NUDCD3: variants seen among roughly 807,000 people sequenced by gnomAD.
The protein encoded by NUDCD3 is nudC domain-containing protein 3.
In NUDCD3, 13 loss-of-function variants were observed where a neutral mutation model predicts 39.7. That is an observed-to-expected ratio of 0.33 (90% CI 0.21 to 0.52). The LOEUF is 0.52. Ranked by LOEUF, NUDCD3 falls within the 20% of genes least tolerant of loss-of-function variation. NUDCD3 has a pLI of 0.96. For missense variants in NUDCD3, 453 were observed against 458.1 expected (o/e 0.99, Z 0.10); for synonymous variants, 175 against 172.4 (o/e 1.02, Z -0.12).
At chr7:44,489,507 T>C (rs1800686619) in intron 1 of NUDCD3, among the ~76,000 whole-genome samples, 1 of 152,230 alleles carries the variant, frequency 6.6e-6, no homozygotes, top group Non-Finnish European at 1.5e-5. Context: ...TCTAGAGAAC[T>C]GAGGGAGGTA....
At chr7:44,462,945 CTGTGTGTGTG>C (rs3138779) in intron 2 of NUDCD3, among the ~76,000 whole-genome samples, 2,819 of 146,720 alleles carry the variant, frequency 0.019, 35 homozygotes, top group South Asian at 0.05. Flanking sequence ...CACAACCAGG[CTGTGTGTGTG>C]TGTGTGTGTG....
chr7:44,399,888 G>A (rs1412826820), intron 4 of NUDCD3, among the ~76,000 whole-genome samples: 1 of 152,142 alleles, frequency 6.6e-6, no homozygotes, highest in Non-Finnish European at 1.5e-5. Context: ...GAGCTTCAAG[G>A]TCTAACTCCT....
At chr7:44,421,630 T>C (rs1017758083) in intron 3 of NUDCD3, among the ~76,000 whole-genome samples, 2 of 151,920 alleles carry the variant, frequency 1.3e-5, no homozygotes, top group African/African-American at 4.8e-5. Context: ...CTATCCTAAA[T>C]ATATATGCAC....
chr7:44,392,607 G>C, intron 4 of NUDCD3, 122 bp from the exon 5 acceptor site: 2 of 805,438 alleles, frequency 2.5e-6, no homozygotes, highest in Non-Finnish European at 3.9e-6. Flanking sequence ...ACTACACAAA[G>C]GGAGGTGACA....
At chr7:44,391,916 C>G (rs1306385239) in intron 5 of NUDCD3, among the ~76,000 whole-genome samples, 1 of 152,182 alleles carries the variant, frequency 6.6e-6, no homozygotes, top group Non-Finnish European at 1.5e-5. Context: ...GGCTCCCTCC[C>G]CTCCTCTACC....
intron 3 of NUDCD3, among the ~76,000 whole-genome samples, chr7:44,411,058 C>T (rs190286984): frequency 1.1e-4 from 17 of 152,270 alleles, no homozygotes; most frequent in African/African-American, 3.6e-4. Context: ...ATAGTATTTT[C>T]AAGTAATTGT....
intron 2 of NUDCD3, among the ~76,000 whole-genome samples, chr7:44,430,718 G>A (rs959717888): frequency 1.4e-4 from 21 of 152,076 alleles, no homozygotes; most frequent in African/African-American, 3.9e-4. Flanking sequence ...GTATAATGCC[G>A]GGGGATATCC....
At chr7:44,478,215 T>C (rs1800417874) in intron 2 of NUDCD3, among the ~76,000 whole-genome samples, 1 of 152,174 alleles carries the variant, frequency 6.6e-6, no homozygotes, top group Non-Finnish European at 1.5e-5. Flanking sequence ...TAGGGAAATA[T>C]CTGTGTGCAA....
chr7:44,456,387 G>GC (rs1799902128), intron 2 of NUDCD3, among the ~76,000 whole-genome samples: 1 of 152,156 alleles, frequency 6.6e-6, no homozygotes, highest in African/African-American at 2.4e-5. Context: ...TAAAGGCCGA[G>GC]CAAGTACCAG....
At chr7:44,402,635 T>G (rs1272407386) in intron 4 of NUDCD3, 1 of 456,556 alleles carries the variant, frequency 2.2e-6, no homozygotes, top group South Asian at 1.5e-5. Flanking sequence ...CACACGGGGT[T>G]GCTCACCAAG....
rs560330914 is a variant in NUDCD3 at position 44,392,550 on chromosome 7, G to A, written c.787-65C>T. 3 of 1,443,802 alleles carry A rather than the reference G, an allele frequency of 2.1e-6. No individual in the cohort carries two copies. The African/African-American group carries it at 4.2e-5, about 20-fold the overall frequency. 89.4% of individuals were successfully genotyped at this position (1,443,802 alleles called of 1,614,324 possible). Reference sequence around the variant, plus strand: ...AGACAGGTGTCCAGGGCTGGGGACAGAGCAGAGCCCACTGAGGGATGGGTG... The same window carrying A: ...AGACAGGTGTCCAGGGCTGGGGACAAAGCAGAGCCCACTGAGGGATGGGTG... On this transcript the variant is annotated intron_variant, in intron 4 of 5. Coordinates refer to ENST00000355451, the MANE Select transcript of NUDCD3 (RefSeq NM_015332.4).
chr7:44,432,345 A>G (rs911452915), intron 2 of NUDCD3, among the ~76,000 whole-genome samples: 3 of 152,234 alleles, frequency 2.0e-5, no homozygotes, highest in African/African-American at 7.2e-5. Flanking sequence ...TGTAAAATGA[A>G]GAGTAAAAGG....
chr7:44,462,246 G>A (rs1460536199), intron 2 of NUDCD3, among the ~76,000 whole-genome samples: 1 of 152,166 alleles, frequency 6.6e-6, no homozygotes, highest in Admixed American at 6.5e-5. Flanking sequence ...GGTAACTTTA[G>A]TCAAGGAGCT....
At position 44,404,569 on chromosome 7, in the gene NUDCD3, A is replaced by G; in HGVS notation, c.657T>C (p.Leu219=). Residue 219 remains leucine (L), a synonymous_variant, in exon 4 of 6, where the codon CTT becomes CTC. Transcript: ENST00000355451. Reference sequence around the variant, plus strand: ...TGGCCACACGAATGGAGCTGCTGCTAAGGGCCACTGAGACCTGGGGACACA... The same window carrying G: ...TGGCCACACGAATGGAGCTGCTGCTGAGGGCCACTGAGACCTGGGGACACA... ...VVKGKQVSVA[L]SSSSIRVAML... 6.2e-7 allele frequency: 1 copy of G among 1,613,878 alleles called. No individual in the cohort carries two copies. Among genetic ancestry groups the G allele is most frequent in the African/African-American group, 1.3e-5 (1 of 74,998 alleles).
chr7:44,473,255 A>T (rs940159319), intron 2 of NUDCD3, among the ~76,000 whole-genome samples: 3 of 152,172 alleles, frequency 2.0e-5, no homozygotes, highest in Admixed American at 2.0e-4. Context: ...CAAGCATTTT[A>T]TTTTATTTTA....
intron 2 of NUDCD3, among the ~76,000 whole-genome samples, chr7:44,456,005 G>C (rs1799886108): frequency 1.1e-5 from 1 of 94,592 alleles, no homozygotes; most frequent in African/African-American, 4.1e-5. Flanking sequence ...CAGCCTGGGC[G>C]ACAGAGCGAG....
rs544850657 is a variant in NUDCD3, at chr7:44,424,323, C to T, written c.642+3248G>A. Reference sequence around the variant, plus strand: ...CTAATTAAACTAAAGAGCTTCTGCTCAGCAAAAGAAACTATCGTCAGAGTG... The same window carrying T: ...CTAATTAAACTAAAGAGCTTCTGCTTAGCAAAAGAAACTATCGTCAGAGTG... On this transcript the variant is annotated intron_variant, in intron 3 of 5. Coordinates refer to ENST00000355451, the MANE Select transcript of NUDCD3 (RefSeq NM_015332.4). Among the ~76,000 whole-genome samples the T allele has an allele frequency of 2.0e-5, 3 of 152,230 alleles. No individual in the cohort carries two copies. The East Asian group carries it at 5.8e-4, about 29-fold the overall frequency.
intron 4 of NUDCD3, among the ~76,000 whole-genome samples, chr7:44,396,087 T>TTG (rs10585173): frequency 0.055 from 8,009 of 144,932 alleles, 234 homozygotes; most frequent in African/African-American, 0.067. Context: ...TTATCTTCTG[T>TTG]TGTGTGTGTG....
At chr7:44,389,546 T>G (rs992199926) in intron 5 of NUDCD3, among the ~76,000 whole-genome samples, 2 of 152,156 alleles carry the variant, frequency 1.3e-5, no homozygotes, top group African/African-American at 4.8e-5. Flanking sequence ...AAGGAGGCCT[T>G]AGGCCTCCAG....
Sources: allele counts gnomAD v4.1 joint callset (sites outside exome capture counted in the v4.1 genomes callset), GRCh38; gene constraint gnomAD v4.1.1; transcripts MANE v1.5; gene names NCBI Gene and HGNC (gene_info 2026-07-23, HGNC 2026-07-21).